SGPL1: variants seen among roughly 807,000 people sequenced by gnomAD.
The protein encoded by SGPL1 is SP-lyase 1.
A neutral mutation model predicts 68.9 loss-of-function variants in SGPL1; 37 were observed. The ratio of observed to expected loss-of-function variants is 0.54; its 90% CI spans 0.41 to 0.71. The LOEUF (loss-of-function observed/expected upper bound fraction) is 0.71. Ranked by LOEUF, SGPL1 falls within the 30% of genes least tolerant of loss-of-function variation. The pLI, the probability that SGPL1 is intolerant of heterozygous loss-of-function variation, is 0.00. For synonymous variants in SGPL1, 236 were observed against 248.5 expected, an observed-to-expected ratio of 0.95 and a Z score of 0.47; for missense variants, 551 against 704.6, an observed-to-expected ratio of 0.78 and a Z score of 2.47.
intron 2 of SGPL1, among the ~76,000 whole-genome samples, chr10:70,832,307 C>T (rs1024707650): frequency 3.3e-5 from 5 of 152,128 alleles, no homozygotes; most frequent in African/African-American, 9.7e-5. Flanking sequence ...AGCAGGCTTA[C>T]GTGTTGGAAA....
chr10:70,823,635 A>G (rs1845381693), intron 2 of SGPL1, among the ~76,000 whole-genome samples: 1 of 148,522 alleles, frequency 6.7e-6, no homozygotes, highest in African/African-American at 2.5e-5. Context: ...TCAATCTGAA[A>G]CCAATAACCA....
At position 70,844,453 on chromosome 10, in the gene SGPL1, T is replaced by C. The variant is rs561020161; in HGVS notation, c.28-20T>C. 1.2e-6 allele frequency: 2 copies of C among 1,607,120 alleles called. No homozygotes were observed. Among genetic ancestry groups the C allele is most frequent in the Admixed American group, 3.4e-5 (2 of 59,414 alleles). The stretch of plus-strand genomic sequence containing the variant: ...TCTCTCTCTAAATGTAATGTTTTTA[T>C]TTTTCACTTGTATTTCTAGAAGGCC... On this transcript the variant is annotated intron_variant, in intron 2 of 14. Transcript: ENST00000373202.
At position 70,857,693 on chromosome 10, in the gene SGPL1, G is replaced by C. The variant is rs1334823421; in HGVS notation, c.486+3G>C. 6.2e-6 allele frequency: 10 copies of C among 1,606,212 alleles called. No individual in the cohort carries two copies. Among genetic ancestry groups the C allele is most frequent in the Non-Finnish European group, 6.8e-6 (8 of 1,174,804 alleles). ...AGCTCACTGAGCTCCTTGTGAAGGT[G>C]AGTGTCCAGTTCTTGAGGGAAGCCT... On this transcript the variant is annotated splice_donor_region_variant and intron_variant, in intron 6 of 14. Coordinates refer to ENST00000373202, the MANE Select transcript of SGPL1 (RefSeq NM_003901.4).
At chr10:70,855,154 A>G (rs1845944179) in intron 5 of SGPL1, among the ~76,000 whole-genome samples, 1 of 152,250 alleles carries the variant, frequency 6.6e-6, no homozygotes, top group South Asian at 2.1e-4. Context: ...TGTAATACAA[A>G]TGAAATACAG....
In SGPL1 at chr10:70,878,432, T is replaced by G. The variant is rs1045472314; in HGVS notation, c.*1097T>G. ...GGTTTCCAAATAATCTGGGAGCTTT[T>G]GGCCATGGTGCCGCCTTCCTGAATT... is the stretch of plus-strand genomic sequence containing the variant. On this transcript the variant is annotated 3_prime_UTR_variant, in exon 15 of 15. Coordinates refer to ENST00000373202, the MANE Select transcript of SGPL1 (RefSeq NM_003901.4). 6.6e-6 allele frequency: 1 copy of G among 152,254 alleles called. No homozygotes were observed. Among genetic ancestry groups the G allele is most frequent in the Admixed American group, 6.5e-5 (1 of 15,284 alleles). 9.4% of individuals were successfully genotyped at this position (152,254 alleles called of 1,614,324 possible).
chr10:70,873,701 C>T lies in SGPL1; in HGVS notation c.1298+112C>T, dbSNP rs10762410. On this transcript the variant is annotated intron_variant, in intron 12 of 14. Transcript: ENST00000373202. ...GCCCTAGCCCACCTGTTGTCTCCTG[C>T]GATATAGAGGGCTTAGGGCAGCAGC... 304,110 of 799,980 alleles carry T rather than the reference C, an allele frequency of 0.38. 59,878 individuals are homozygous for T. The highest frequency in any genetic ancestry group is 0.5 in the South Asian group (33,845 of 67,728). 49.6% of individuals were successfully genotyped at this position (799,980 alleles called of 1,614,324 possible).
intron 3 of SGPL1, among the ~76,000 whole-genome samples, chr10:70,846,487 G>C (rs1037648416): frequency 6.6e-6 from 1 of 151,860 alleles, no homozygotes; most frequent in Non-Finnish European, 1.5e-5. Context: ...AGTTAGTCCT[G>C]TGGCAGTAAG....
chr10:70,845,444 T>G lies in SGPL1; in HGVS notation c.193+806T>G, dbSNP rs186651820. On this transcript the variant is annotated intron_variant, in intron 3 of 14. Coordinates refer to ENST00000373202, the MANE Select transcript of SGPL1 (RefSeq NM_003901.4). ...CACAAGTAGTACAGGATCTCTCTCC[T>G]CTTGGAGTTGAACTGGTATCAGGGG... Among the ~76,000 whole-genome samples the G allele has an allele frequency of 2.0e-5, 3 of 152,228 alleles. No homozygotes were observed. In the East Asian group the frequency reaches 5.8e-4, roughly 29 times the overall value.
chr10:70,835,025 TC>T (rs1554836350), intron 2 of SGPL1, among the ~76,000 whole-genome samples: 1 of 66,046 alleles, frequency 1.5e-5, no homozygotes, highest in Non-Finnish European at 3.6e-5. Flanking sequence ...CCAGCCATTC[TC>T]CTCTGCAGAT....
rs1846415749 is a variant in SGPL1 at position 70,877,548 on chromosome 10, A to T, written c.*213A>T. ...AAGACCCCAGAGAATTCCATTACAT[A>T]ATGATTTTGCCCTTGTTATAAATGT... On this transcript the variant is annotated 3_prime_UTR_variant, in exon 15 of 15. Coordinates refer to ENST00000373202, the MANE Select transcript of SGPL1 (RefSeq NM_003901.4). 2 of 505,726 alleles carry T rather than the reference A, an allele frequency of 4.0e-6. No individual in the cohort carries two copies. The highest frequency in any genetic ancestry group is 7.6e-5 in the South Asian group (2 of 26,440). 31.3% of individuals were successfully genotyped at this position (505,726 alleles called of 1,614,324 possible). A position where few individuals can be genotyped will look rare whatever the true frequency, so the allele number is the denominator to read the frequency against.
chr10:70,829,859 T>C (rs1267022098), intron 2 of SGPL1, among the ~76,000 whole-genome samples: 1 of 152,196 alleles, frequency 6.6e-6, no homozygotes, highest in Admixed American at 6.5e-5. Flanking sequence ...TTTTCAGATA[T>C]CTGGGTAGTT....
chr10:70,819,555 G>A (rs1196183614), intron 2 of SGPL1, among the ~76,000 whole-genome samples: 1 of 149,940 alleles, frequency 6.7e-6, no homozygotes, highest in African/African-American at 2.5e-5. Context: ...GGACCTAAGT[G>A]AATAAAAAAA....
chr10:70,861,453 A>G (rs1846051781), intron 7 of SGPL1, among the ~76,000 whole-genome samples: 2 of 152,276 alleles, frequency 1.3e-5, no homozygotes, highest in African/African-American at 4.8e-5. Flanking sequence ...GAGCCTGGTG[A>G]TAAGTAGTGA....
At chr10:70,840,282 CT>C (rs1845694381) in intron 2 of SGPL1, among the ~76,000 whole-genome samples, 1 of 152,006 alleles carries the variant, frequency 6.6e-6, no homozygotes, top group Non-Finnish European at 1.5e-5. Context: ...TGTCATTTCA[CT>C]TTGGGGTCTC....
At chr10:70,853,024 C>A (rs1845911951) in intron 4 of SGPL1, among the ~76,000 whole-genome samples, 1 of 152,152 alleles carries the variant, frequency 6.6e-6, no homozygotes, top group Admixed American at 6.5e-5. Context: ...TTCTAATATA[C>A]CTCTCTGTCA....
intron 7 of SGPL1, among the ~76,000 whole-genome samples, chr10:70,862,503 C>T (rs1846088178): frequency 1.3e-5 from 2 of 152,096 alleles, no homozygotes; most frequent in Non-Finnish European, 2.9e-5. Context: ...GCAACACGCT[C>T]GGGTCCCCTT....
intron 8 of SGPL1, 22 bp downstream of exon 8, chr10:70,868,455 G>T (rs200755445): frequency 6.3e-7 from 1 of 1,591,496 alleles, no homozygotes; most frequent in Non-Finnish European, 8.6e-7. Flanking sequence ...TGGCTGTTTT[G>T]TCCCCTTTTG....
Position 70,851,136 on chromosome 10 carries a change from C to A in SGPL1, c.194-7C>A, listed in dbSNP as rs1342589908. The A allele has an allele frequency of 6.2e-7, 1 of 1,611,152 alleles. No homozygotes were observed. Among genetic ancestry groups the A allele is most frequent in the African/African-American group, 1.3e-5 (1 of 74,824 alleles). On this transcript the variant is annotated splice_polypyrimidine_tract_variant and splice_region_variant and intron_variant, in intron 3 of 14. Coordinates refer to ENST00000373202, the MANE Select transcript of SGPL1 (RefSeq NM_003901.4). ...ATTTGAATAAGAGAACCATTTGTTT[C>A]TTTTAGGTTTATGGTCAAGGTTTAA...
chr10:70,836,268 C>T lies in SGPL1; in HGVS notation c.28-8205C>T, dbSNP rs1057206303. On this transcript the variant is annotated intron_variant, in intron 2 of 14. Transcript: ENST00000373202. ...TGTTGGTTCCCCTGTTTGGCTTTAC[C>T]TACAGCTCTTTGGTTTTCTTCTTTT... is the stretch of plus-strand genomic sequence containing the variant. Among the ~76,000 whole-genome samples the T allele has an allele frequency of 3.3e-5, 5 of 152,236 alleles. No homozygotes were observed. The East Asian group carries it at 9.7e-4, about 29-fold the overall frequency.
Sources: gnomAD v4.1 joint callset for allele counts (sites outside exome capture counted in the v4.1 genomes callset) on GRCh38, gnomAD v4.1.1 for gene constraint, MANE v1.5 for transcripts, NCBI Gene and HGNC (gene_info 2026-07-23, HGNC 2026-07-21) for gene names.